BOC: variants seen among roughly 807,000 people sequenced by gnomAD.
The protein encoded by BOC is brother of CDO.
In BOC, 76 loss-of-function variants were observed where a neutral mutation model predicts 112.0. That is an observed-to-expected ratio of 0.68 (90% CI 0.56 to 0.82). The LOEUF (loss-of-function observed/expected upper bound fraction) is 0.82. BOC is among the 40% of genes least tolerant of loss of function. The pLI is 0.00. For missense variants in BOC, 1,309 were observed against 1,511.7 expected (o/e 0.87, Z 2.22); for synonymous variants, 580 against 599.8 (o/e 0.97, Z 0.48).
intron 4 of BOC, among the ~76,000 whole-genome samples, chr3:113,252,260 T>C (rs977062548): frequency 4.6e-5 from 7 of 152,184 alleles, no homozygotes; most frequent in South Asian, 4.1e-4. Context: ...TAATGGTATG[T>C]GGATTTAAAC....
At chr3:113,247,486 C>T (rs535697039) in intron 2 of BOC, among the ~76,000 whole-genome samples, 2 of 122,862 alleles carry the variant, frequency 1.6e-5, no homozygotes, top group South Asian at 5.6e-4. Context: ...CCACTGGTTT[C>T]AGAGCCCTGA....
At position 113,286,905 on chromosome 3, in the gene BOC, T is replaced by TC; in HGVS notation, c.*43_*44insC. 6.8e-7 allele frequency: 1 copy of TC among 1,466,706 alleles called. No homozygotes were observed. The highest frequency in any genetic ancestry group is 2.3e-5 in the Admixed American group (1 of 43,140). The allele number at this position is 1,466,706 out of a possible 1,614,324, so 90.9% of individuals were successfully genotyped here. On this transcript the variant is annotated 3_prime_UTR_variant, in exon 20 of 20. Coordinates refer to ENST00000682979, the MANE Select transcript of BOC (RefSeq NM_001378074.1). ...AGAAAGACTATATATTGTTTTTTTTTTAAAAAAAAAAAGAAGAAAAAAGAG... is the reference window on the plus strand; with the variant it reads ...AGAAAGACTATATATTGTTTTTTTTTCTAAAAAAAAAAAGAAGAAAAAAGAG...
At chr3:113,220,967 G>T (rs1000153801) in intron 2 of BOC, among the ~76,000 whole-genome samples, 6 of 152,186 alleles carry the variant, frequency 3.9e-5, no homozygotes, top group African/African-American at 1.4e-4. Context: ...TGGGAAAGAT[G>T]GCTGTGTTGC....
At chr3:113,253,417 T>A (rs549850037) in intron 4 of BOC, among the ~76,000 whole-genome samples, 205 of 151,274 alleles carry the variant, frequency 1.4e-3, no homozygotes, top group East Asian at 2.3e-3. Flanking sequence ...AAATTTTTTT[T>A]AAAAAAATAG....
intron 2 of BOC, among the ~76,000 whole-genome samples, chr3:113,225,917 T>G (rs564419992): frequency 2.6e-5 from 4 of 152,306 alleles, no homozygotes; most frequent in South Asian, 4.1e-4. Context: ...GTGGGACCCA[T>G]GTTCCTTATC....
intron 5 of BOC, chr3:113,270,565 G>T: frequency 2.0e-6 from 1 of 491,530 alleles, no homozygotes; most frequent in African/African-American, 1.9e-5. Context: ...CAGTCAGCCA[G>T]TCTGTTAGCT....
At position 113,286,986 on chromosome 3, in the gene BOC, C is replaced by T. The variant is rs1949756269; in HGVS notation, c.*124C>T. 2 of 1,001,622 alleles carry T rather than the reference C, an allele frequency of 2.0e-6. No individual in the cohort carries two copies. Among genetic ancestry groups the T allele is most frequent in the Admixed American group, 2.3e-5 (1 of 43,610 alleles). 62.0% of individuals were successfully genotyped at this position (1,001,622 alleles called of 1,614,324 possible). ...ATAGCCATATTTATATATTTATGCA[C>T]TTGTAAATAAATGTATATGTTTTAT... On this transcript the variant is annotated 3_prime_UTR_variant, in exon 20 of 20. Transcript: ENST00000682979.
chr3:113,260,260 A>G (rs1380222010), intron 4 of BOC, among the ~76,000 whole-genome samples: 1 of 152,186 alleles, frequency 6.6e-6, no homozygotes, highest in Non-Finnish European at 1.5e-5. Context: ...TAAATTAACA[A>G]TTTCTGAATT....
rs954900449 is a variant in BOC, at chr3:113,274,914, C to T, written c.1542+232C>T. On this transcript the variant is annotated intron_variant, in intron 9 of 19. Transcript: ENST00000682979. The surrounding 1 kb of genome is among the most constrained non-coding windows in gnomAD (Gnocchi z 4.8). Reference sequence around the variant, plus strand: ...GGAAGGCCCAGGAAAAAGCCTTGTGCGTGCATCCAGTACTAAGCTCTATGC... The same window carrying T: ...GGAAGGCCCAGGAAAAAGCCTTGTGTGTGCATCCAGTACTAAGCTCTATGC... Among the ~76,000 whole-genome samples, 4 of 152,216 alleles carry T rather than the reference C, an allele frequency of 2.6e-5. No individual in the cohort carries two copies. Among genetic ancestry groups the T allele is most frequent in the Non-Finnish European group, 4.4e-5 (3 of 68,038 alleles).
At chr3:113,231,541 G>A (rs1942615748) in intron 2 of BOC, among the ~76,000 whole-genome samples, 2 of 152,166 alleles carry the variant, frequency 1.3e-5, no homozygotes, top group African/African-American at 2.4e-5. Context: ...TGTCAAATGA[G>A]TCCAGGTTTG....
intron 6 of BOC, chr3:113,271,420 C>G (rs978474024): frequency 2.9e-6 from 1 of 343,356 alleles, no homozygotes; most frequent in Non-Finnish European, 5.8e-6. Context: ...TCCGGGAGGC[C>G]CACATGCTCT....
chr3:113,261,118 C>G (rs1946827830), intron 4 of BOC, among the ~76,000 whole-genome samples: 1 of 152,166 alleles, frequency 6.6e-6, no homozygotes, highest in African/African-American at 2.4e-5. Flanking sequence ...CCGTCTCTCC[C>G]ACCTGGAGTT....
chr3:113,258,623 G>T (rs1946484173), intron 4 of BOC, among the ~76,000 whole-genome samples: 1 of 152,200 alleles, frequency 6.6e-6, no homozygotes, highest in Non-Finnish European at 1.5e-5. Context: ...GGGATGAAGG[G>T]ATGGCAGTGA....
intron 4 of BOC, chr3:113,261,688 T>C (rs1284180188): frequency 6.6e-6 from 1 of 152,240 alleles, no homozygotes; most frequent in Admixed American, 6.5e-5. Context: ...GGCCAATTCA[T>C]TGCAAATCAT....
intron 2 of BOC, among the ~76,000 whole-genome samples, chr3:113,242,428 G>A (rs1397950554): frequency 6.6e-6 from 1 of 152,182 alleles, no homozygotes; most frequent in Non-Finnish European, 1.5e-5. Flanking sequence ...CTGGAGCAGG[G>A]AGAGGATTAG....
In BOC at chr3:113,279,853, C is replaced by G; in HGVS notation, c.2053C>G (p.Leu685Val). Residue 685 changes from leucine to valine, a missense_variant, in exon 13 of 20, where the codon CTG (leucine) becomes GTG (valine). Coordinates refer to ENST00000682979, the MANE Select transcript of BOC (RefSeq NM_001378074.1). ...GTSYKFRVRA[L>V]NMLGESEPSA... is the part of the protein sequence containing the mutation. The stretch of plus-strand genomic sequence containing the variant: ...CTCCTACAAGTTTCGAGTCCGGGCT[C>G]TGAACATGCTGGGGGAGAGCGAGCC... 6.2e-7 allele frequency: 1 copy of G among 1,611,602 alleles called. No individual in the cohort carries two copies. Among genetic ancestry groups the G allele is most frequent in the Non-Finnish European group, 8.5e-7 (1 of 1,178,632 alleles).
In BOC at chr3:113,278,219, C is replaced by A. The variant is rs746840045; in HGVS notation, c.1667C>A (p.Ala556Glu). The A allele has an allele frequency of 1.3e-5, 21 of 1,614,120 alleles. No homozygotes were observed. Among genetic ancestry groups the A allele is most frequent in the Non-Finnish European group, 1.7e-5 (20 of 1,180,022 alleles). ...GTGGAGATGGCAGCTTACAACTGTG[C>A]GGGAGAGGGCCAGACAGCCATGGTC... Reference protein sequence around the residue: ...YEVEMAAYNCAGEGQTAMVTF... With the variant: ...YEVEMAAYNCEGEGQTAMVTF... Residue 556 changes from alanine to glutamate, a missense_variant, in exon 10 of 20, where the codon GCG becomes GAG. Ala to Glu is a moderately radical substitution (Grantham distance 107). Coordinates refer to ENST00000682979, the MANE Select transcript of BOC (RefSeq NM_001378074.1). This position sits in a 1 kb window ranked among gnomAD's most constrained non-coding sequence, Gnocchi z 4.2.
At chr3:113,215,066 C>T (rs915855817) in intron 1 of BOC, among the ~76,000 whole-genome samples, 1 of 152,190 alleles carries the variant, frequency 6.6e-6, no homozygotes, top group Non-Finnish European at 1.5e-5. Flanking sequence ...TGACTAAAGA[C>T]TCAGAGAACA....
intron 4 of BOC, among the ~76,000 whole-genome samples, chr3:113,254,514 G>A (rs1448337522): frequency 6.6e-6 from 1 of 152,224 alleles, no homozygotes; most frequent in African/African-American, 2.4e-5. Flanking sequence ...TTCCTGAGCA[G>A]AATAGGGGCT....
Sources: allele counts gnomAD v4.1 joint callset (sites outside exome capture counted in the v4.1 genomes callset), GRCh38; gene constraint gnomAD v4.1.1; non-coding constraint Gnocchi (gnomAD v3.1); transcripts MANE v1.5; gene names NCBI Gene and HGNC (gene_info 2026-07-23, HGNC 2026-07-21).